The following PSKH1 variants were observed in gnomAD, a reference collection of about 807,000 sequenced individuals.
PSKH1 encodes the protein serine/threonine-protein kinase H1.
Under a neutral mutation model 26.7 loss-of-function variants are expected in PSKH1, and 12 were observed. That is an observed-to-expected ratio of 0.45 (90% confidence interval 0.29 to 0.73). The LOEUF (loss-of-function observed/expected upper bound fraction) is 0.73. Ranked by LOEUF, PSKH1 falls within the 30% of genes least tolerant of loss-of-function variation. The pLI, the probability that PSKH1 is intolerant of heterozygous loss-of-function variation, is 0.11. For synonymous variants in PSKH1, 213 were observed against 234.3 expected, an observed-to-expected ratio of 0.91 and a Z score of 0.83; for missense variants, 431 against 595.2, an observed-to-expected ratio of 0.72 and a Z score of 2.87.
intron 1 of PSKH1, among the ~76,000 whole-genome samples, chr16:67,906,134 C>T (rs981271466): frequency 6.6e-5 from 10 of 152,046 alleles, no homozygotes; most frequent in East Asian, 3.9e-4. Context: ...AGTGCAATCA[C>T]GCGATCTCGG....
In PSKH1 at chr16:67,928,084, G is replaced by C. The variant is rs192291952; in HGVS notation, c.*442G>C. The C allele has an allele frequency of 1.1e-3, 185 of 166,312 alleles. 2 individuals are homozygous for C. Among genetic ancestry groups the C allele is most frequent in the African/African-American group, 3.8e-3 (159 of 42,012 alleles). The allele number at this position is 166,312 out of a possible 1,614,324, so 10.3% of individuals were successfully genotyped here. On this transcript the variant is annotated 3_prime_UTR_variant, in exon 3 of 3. Coordinates refer to ENST00000291041, the MANE Select transcript of PSKH1 (RefSeq NM_006742.3). The surrounding 1 kb of genome is among the most constrained non-coding windows in gnomAD (Gnocchi z 4.8). ...TTTCCTCCACAGAGCCCTTCTCCCT[G>C]GTTTCACACATTCCCATGCATCCTG...
intron 1 of PSKH1, among the ~76,000 whole-genome samples, chr16:67,907,255 G>A (rs2058158837): frequency 1.3e-5 from 2 of 150,732 alleles, no homozygotes; most frequent in Admixed American, 6.6e-5. Flanking sequence ...GAGCCACCGC[G>A]CCTGGCCAAC....
intron 1 of PSKH1, among the ~76,000 whole-genome samples, chr16:67,894,102 T>C (rs1598184168): frequency 6.6e-6 from 1 of 152,358 alleles, no homozygotes; most frequent in South Asian, 2.1e-4. Context: ...TTACGTAGTT[T>C]ATTGTTGTTA....
At chr16:67,920,366 A>G (rs1314655026) in intron 2 of PSKH1, among the ~76,000 whole-genome samples, 1 of 152,156 alleles carries the variant, frequency 6.6e-6, no homozygotes, top group Non-Finnish European at 1.5e-5. Context: ...GGCCCAAACC[A>G]TCTTCCTGCC....
At chr16:67,896,630 C>T (rs537294994) in intron 1 of PSKH1, among the ~76,000 whole-genome samples, 29 of 149,144 alleles carry the variant, frequency 1.9e-4, no homozygotes, top group Admixed American at 6.1e-4. Flanking sequence ...GCAACCTCTG[C>T]CTCCCGGGTT....
At position 67,927,525 on chromosome 16, in the gene PSKH1, C is replaced by G; in HGVS notation, c.1158C>G (p.Thr386=). Residue 386 remains threonine, a synonymous_variant, in exon 3 of 3, where the codon ACC becomes ACG. Transcript: ENST00000291041. The surrounding 1 kb of genome is among the most constrained non-coding windows in gnomAD (Gnocchi z 5.5). ...LKRASSRCQS[T]KSAQSTRSSR... is the part of the protein sequence containing the mutation. ...GTGCCTCCTCGCGCTGCCAGAGCACCAAATCTGCCCAGTCCACGCGTTCCA... is the reference window on the plus strand; with the variant it reads ...GTGCCTCCTCGCGCTGCCAGAGCACGAAATCTGCCCAGTCCACGCGTTCCA... The G allele has an allele frequency of 2.5e-6, 4 of 1,614,120 alleles. No homozygotes were observed. The highest frequency in any genetic ancestry group is 3.4e-6 in the Non-Finnish European group (4 of 1,180,046).
At chr16:67,918,145 T>G (rs116078975) in intron 2 of PSKH1, among the ~76,000 whole-genome samples, 1 of 152,332 alleles carries the variant, frequency 6.6e-6, no homozygotes, top group African/African-American at 2.4e-5. Flanking sequence ...AGTCTGTGAT[T>G]CACTTGACAT....
chr16:67,923,444 G>A (rs1005727877), intron 2 of PSKH1, among the ~76,000 whole-genome samples: 2 of 152,104 alleles, frequency 1.3e-5, no homozygotes, highest in Non-Finnish European at 2.9e-5. Context: ...GCAGTGTCTC[G>A]AAGTGCTGGG....
chr16:67,909,305 G>A lies in PSKH1; in HGVS notation c.556G>A (p.Ala186Thr), dbSNP rs1598189570. 6.2e-7 allele frequency: 1 copy of A among 1,614,098 alleles called. No individual in the cohort carries two copies. The highest frequency in any genetic ancestry group is 8.5e-7 in the Non-Finnish European group (1 of 1,180,016). ...TGGELFDRII[A>T]KGSFTERDAT... ...TGGAGAGCTCTTTGACCGCATCATT[G>A]CCAAGGGCTCCTTCACCGAGCGTGA... Residue 186 changes from alanine (A) to threonine (T), a missense_variant, in exon 2 of 3, where the codon GCC becomes ACC. Transcript: ENST00000291041. The surrounding 1 kb of genome is among the most constrained non-coding windows in gnomAD (Gnocchi z 7.8).
intron 2 of PSKH1, among the ~76,000 whole-genome samples, chr16:67,910,947 C>T (rs1250249281): frequency 6.6e-6 from 1 of 152,222 alleles, no homozygotes; most frequent in Non-Finnish European, 1.5e-5. Flanking sequence ...GTCCTGATGC[C>T]TCCAAAAATG....
intron 1 of PSKH1, among the ~76,000 whole-genome samples, chr16:67,895,860 G>A (rs190209153): frequency 6.5e-5 from 9 of 138,002 alleles, no homozygotes; most frequent in African/African-American, 3.1e-4. Context: ...CTAGAAGCAT[G>A]GGCTTTGGTG....
intron 1 of PSKH1, among the ~76,000 whole-genome samples, chr16:67,897,992 T>G (rs1049776436): frequency 1.3e-5 from 2 of 152,024 alleles, no homozygotes; most frequent in Non-Finnish European, 2.9e-5. Context: ...GGACTACAGG[T>G]GCACGCTACC....
At chr16:67,893,542 C>A (rs1378375618) in intron 1 of PSKH1, among the ~76,000 whole-genome samples, 171 bp downstream of exon 1, 1 of 152,260 alleles carries the variant, frequency 6.6e-6, no homozygotes, top group Non-Finnish European at 1.5e-5. Flanking sequence ...GCGATGGCTG[C>A]TCGGGTTCCC....
At chr16:67,926,633 G>A (rs913033246) in intron 2 of PSKH1, among the ~76,000 whole-genome samples, 1 of 152,162 alleles carries the variant, frequency 6.6e-6, no homozygotes, top group Non-Finnish European at 1.5e-5. Flanking sequence ...CCTCCCAGGG[G>A]ACAGAATGTA....
chr16:67,910,355 C>G (rs921440307), intron 2 of PSKH1, among the ~76,000 whole-genome samples: 1 of 152,240 alleles, frequency 6.6e-6, no homozygotes, highest in Non-Finnish European at 1.5e-5. Flanking sequence ...AGCATCTGCT[C>G]TGTGGGGCCC....
intron 2 of PSKH1, among the ~76,000 whole-genome samples, chr16:67,925,355 G>A (rs61417184): frequency 0.051 from 7,731 of 151,864 alleles, 548 homozygotes; most frequent in African/African-American, 0.17. Context: ...CACCACGCCC[G>A]ACTAATTTTT....
At position 67,909,697 on chromosome 16, in the gene PSKH1, C is replaced by T. The variant is rs1169991519; in HGVS notation, c.948C>T (p.Tyr316=). ...YRQILRGKYS[Y]SGEPWPSVSN... ...AGATCCTCAGGGGCAAGTACAGTTA[C>T]TCTGGGGAGGTGAGTCTGTCCTGCC... Residue 316 remains tyrosine, a synonymous_variant, in exon 2 of 3, where the codon TAC becomes TAT. Coordinates refer to ENST00000291041, the MANE Select transcript of PSKH1 (RefSeq NM_006742.3). The surrounding 1 kb of genome is among the most constrained non-coding windows in gnomAD (Gnocchi z 7.8). 8.1e-6 allele frequency: 13 copies of T among 1,610,774 alleles called. No individual in the cohort carries two copies. Among genetic ancestry groups the T allele is most frequent in the Non-Finnish European group, 1.1e-5 (13 of 1,179,778 alleles).
At chr16:67,911,566 C>G (rs1037871700) in intron 2 of PSKH1, among the ~76,000 whole-genome samples, 1 of 152,206 alleles carries the variant, frequency 6.6e-6, no homozygotes, top group African/African-American at 2.4e-5. Context: ...CCTATAATCC[C>G]AGCTACTCGG....
At chr16:67,899,551 G>A (rs974012461) in intron 1 of PSKH1, among the ~76,000 whole-genome samples, 6 of 152,038 alleles carry the variant, frequency 3.9e-5, no homozygotes, top group Admixed American at 2.0e-4. Flanking sequence ...TAGCCAGGAT[G>A]GTCTCAATCT....
Sources: allele counts gnomAD v4.1 joint callset (sites outside exome capture counted in the v4.1 genomes callset), GRCh38; gene constraint gnomAD v4.1.1; non-coding constraint Gnocchi (gnomAD v3.1); transcripts MANE v1.5; gene names NCBI Gene and HGNC (gene_info 2026-07-23, HGNC 2026-07-21).